The following PPP2R2B variants were observed in gnomAD, a reference collection of about 807,000 sequenced individuals.
PPP2R2B encodes protein phosphatase 2 regulatory subunit Bbeta, also known as serine/threonine-protein phosphatase 2A 55 kDa regulatory subunit B beta isoform.
Under a neutral mutation model 46.0 loss-of-function variants are expected in PPP2R2B, and 5 were observed. The observed-to-expected ratio is 0.11, with a 90% CI of 0.06 to 0.23. PPP2R2B has a LOEUF of 0.23. PPP2R2B is among the 10% of genes least tolerant of loss of function. PPP2R2B has a pLI of 1.00. For missense variants in PPP2R2B, 367 were observed against 575.0 expected, an observed-to-expected ratio of 0.64 and a Z score of 3.70; for synonymous variants, 215 against 206.7, an observed-to-expected ratio of 1.04 and a Z score of -0.34.
intron 1 of PPP2R2B, among the ~76,000 whole-genome samples, chr5:146,945,360 A>G (rs1764447444): frequency 6.6e-6 from 1 of 152,200 alleles, no homozygotes; most frequent in Admixed American, 6.5e-5. Context: ...CTGGGTGGAT[A>G]ATTATTAACC....
chr5:147,037,598 G>A (rs1243102500), intron 1 of PPP2R2B, among the ~76,000 whole-genome samples: 1 of 152,036 alleles, frequency 6.6e-6, no homozygotes, highest in Non-Finnish European at 1.5e-5. Flanking sequence ...TGTGTTGAGT[G>A]AGCAAGAAAC....
At chr5:146,928,803 G>T (rs1045933213) in intron 1 of PPP2R2B, among the ~76,000 whole-genome samples, 2 of 152,076 alleles carry the variant, frequency 1.3e-5, no homozygotes, top group African/African-American at 4.8e-5. Context: ...TTCCCATTTT[G>T]CTTAGGGAAA....
rs6149281 is a variant in PPP2R2B, at chr5:146,585,259, TACACACACACACACACACACAC to T, written c.*4666_*4687del. The T allele has an allele frequency of 7.7e-6, 1 of 129,902 alleles. No homozygotes were observed. Among genetic ancestry groups the T allele is most frequent in the African/African-American group, 3.1e-5 (1 of 32,302 alleles). The allele number at this position is 129,902 out of a possible 1,614,324, so 8.0% of individuals were successfully genotyped here. A position where few individuals can be genotyped will look rare whatever the true frequency, so the allele number is the denominator to read the frequency against. On this transcript the variant is annotated 3_prime_UTR_variant, in exon 10 of 10. Transcript: ENST00000394411. Reference sequence around the variant, plus strand: ...GATCAGTAACTTCCATCTACATGCATACACACACACACACACACACACACACACACACACACACACACATAAT... The same window carrying T: ...GATCAGTAACTTCCATCTACATGCATACACACACACACACACACACATAAT...
intron 7 of PPP2R2B, among the ~76,000 whole-genome samples, chr5:146,608,561 C>A (rs1772526640): frequency 6.6e-6 from 1 of 152,100 alleles, no homozygotes; most frequent in African/African-American, 2.4e-5. Context: ...CTTTGGGAGG[C>A]CGAGGCAGGT....
chr5:146,807,773 CTTCT>C (rs1757266114), intron 2 of PPP2R2B, among the ~76,000 whole-genome samples: 2 of 44,054 alleles, frequency 4.5e-5, no homozygotes, highest in Non-Finnish European at 1.1e-4. Context: ...CCTGGGGTGC[CTTCT>C]TTTTTTTTTT....
At chr5:146,689,239 C>A (rs938073334) in intron 5 of PPP2R2B, among the ~76,000 whole-genome samples, 1 of 152,154 alleles carries the variant, frequency 6.6e-6, no homozygotes, top group Non-Finnish European at 1.5e-5. Flanking sequence ...ATCCTCACAA[C>A]AATTCCAGGA....
At chr5:146,735,976 C>T (rs1376960112) in intron 2 of PPP2R2B, among the ~76,000 whole-genome samples, 1 of 152,134 alleles carries the variant, frequency 6.6e-6, no homozygotes, top group Non-Finnish European at 1.5e-5. Context: ...GCTGTGTCCC[C>T]ACCCAAATCT....
chr5:146,616,071 A>G (rs1581720066), intron 7 of PPP2R2B, among the ~76,000 whole-genome samples: 1 of 152,226 alleles, frequency 6.6e-6, no homozygotes, highest in African/African-American at 2.4e-5. Flanking sequence ...GAACCCAGAA[A>G]CAAATCTGTA....
Position 146,585,256 on chromosome 5 carries a change from G to GCACA in PPP2R2B, c.*4690_*4691insTGTG, listed in dbSNP as rs1324613024. On this transcript the variant is annotated 3_prime_UTR_variant, in exon 10 of 10. Transcript: ENST00000394411. ...TCTGATCAGTAACTTCCATCTACAT[G>GCACA]CATACACACACACACACACACACAC... is the stretch of plus-strand genomic sequence containing the variant. The GCACA allele has an allele frequency of 8.3e-5, 3 of 36,326 alleles. No homozygotes were observed. The highest frequency in any genetic ancestry group is 1.5e-3 in the East Asian group (2 of 1,334). The allele number at this position is 36,326 out of a possible 1,614,324, so 2.3% of individuals were successfully genotyped here.
At chr5:146,908,711 C>G (rs973860744) in intron 1 of PPP2R2B, among the ~76,000 whole-genome samples, 3 of 152,116 alleles carry the variant, frequency 2.0e-5, no homozygotes, top group Admixed American at 1.3e-4. Flanking sequence ...TAGTCAGTGT[C>G]AGACCTAGGA....
intron 2 of PPP2R2B, among the ~76,000 whole-genome samples, chr5:146,740,655 AT>A (rs1752819900): frequency 6.6e-6 from 1 of 151,906 alleles, no homozygotes; most frequent in Non-Finnish European, 1.5e-5. Flanking sequence ...CCATTAAAAT[AT>A]ATAGGGTAAT....
At chr5:146,797,626 C>T (rs755505574) in intron 2 of PPP2R2B, among the ~76,000 whole-genome samples, 4 of 152,152 alleles carry the variant, frequency 2.6e-5, no homozygotes, top group Non-Finnish European at 4.4e-5. Context: ...TGGGCATCTC[C>T]GACTACCAGC....
intron 1 of PPP2R2B, among the ~76,000 whole-genome samples, chr5:146,886,181 A>G (rs1043540553): frequency 5.9e-5 from 9 of 151,926 alleles, no homozygotes; most frequent in Non-Finnish European, 1.3e-4. Flanking sequence ...TACTAAAAAT[A>G]CAAAAAAATT....
chr5:146,948,582 GAA>G (rs58571441), intron 1 of PPP2R2B, among the ~76,000 whole-genome samples: 2,577 of 151,784 alleles, frequency 0.017, 41 homozygotes, highest in Middle Eastern at 0.051. Flanking sequence ...AAAACAAAGG[GAA>G]AAAAAGAAAT....
At chr5:146,911,555 A>G (rs1167513676) in intron 1 of PPP2R2B, among the ~76,000 whole-genome samples, 1 of 152,216 alleles carries the variant, frequency 6.6e-6, no homozygotes, top group East Asian at 1.9e-4. Context: ...TAGGTGCACA[A>G]TAAGTAATTG....
intron 2 of PPP2R2B, among the ~76,000 whole-genome samples, chr5:146,757,406 G>A (rs967267161): frequency 1.1e-4 from 17 of 152,206 alleles, no homozygotes; most frequent in South Asian, 6.2e-4. Flanking sequence ...ATTGTGGAAC[G>A]GAGGGACCAC....
chr5:146,717,561 T>C (rs1780564114), intron 2 of PPP2R2B, among the ~76,000 whole-genome samples: 1 of 152,220 alleles, frequency 6.6e-6, no homozygotes, highest in African/African-American at 2.4e-5. Context: ...ACTGAAGATA[T>C]AGACTCAACA....
In PPP2R2B at chr5:146,723,434, A is replaced by T. The variant is rs10477308; in HGVS notation, c.71-22292T>A. Among the ~76,000 whole-genome samples the T allele has an allele frequency of 8.9e-3, 1,357 of 152,330 alleles. 23 individuals carry two copies. Among genetic ancestry groups the T allele is most frequent in the African/African-American group, 0.031 (1,298 of 41,574 alleles). Reference sequence around the variant, plus strand: ...ATCTCTGGGCGAGGGAGAATTAAGTAAGAGTGGGCAAGAGAAAATCTTACG... The same window carrying T: ...ATCTCTGGGCGAGGGAGAATTAAGTTAGAGTGGGCAAGAGAAAATCTTACG... On this transcript the variant is annotated intron_variant, in intron 2 of 9. Transcript: ENST00000394411.
intron 2 of PPP2R2B, among the ~76,000 whole-genome samples, chr5:146,702,274 A>C (rs1466704872): frequency 1.3e-5 from 2 of 152,148 alleles, no homozygotes; most frequent in African/African-American, 2.4e-5. Context: ...GTAGTGTAAA[A>C]TTCTCCACTT....
Sources: allele counts gnomAD v4.1 joint callset (sites outside exome capture counted in the v4.1 genomes callset), GRCh38; gene constraint gnomAD v4.1.1; transcripts MANE v1.5; gene names NCBI Gene and HGNC (gene_info 2026-07-23, HGNC 2026-07-21).